The following DMGDH variants were observed in gnomAD, a reference collection of about 807,000 sequenced individuals.
The protein encoded by DMGDH is dimethylglycine dehydrogenase, mitochondrial.
In DMGDH, 76 loss-of-function variants were observed where a neutral mutation model predicts 95.2. That is an observed-to-expected ratio of 0.80 (90% confidence interval 0.66 to 0.97). The LOEUF is 0.97. Among genes scored for constraint, DMGDH ranks in the 50% least tolerant of loss-of-function variants. The pLI, the probability that DMGDH is intolerant of heterozygous loss-of-function variation, is 0.00. For missense variants in DMGDH, 987 were observed against 1,055.0 expected, an observed-to-expected ratio of 0.94 and a Z score of 0.89; for synonymous variants, 345 against 377.6, an observed-to-expected ratio of 0.91 and a Z score of 1.00.
In DMGDH at chr5:79,051,324, CT is replaced by C. The variant is rs1754850101; in HGVS notation, c.707del (p.Gln236ArgfsTer4). ...SDGTWDVETP[Q>X]GSMRANRIVN... ...CAATTCTATTTGCTCTCATAGACCC[CT>C]GTGGTGTTTCAACGTCCCATGTTCC... is the stretch of plus-strand genomic sequence containing the variant. On this transcript the variant is annotated frameshift_variant, in exon 5 of 16. Transcript: ENST00000255189. LOFTEE classifies it high-confidence loss of function. 6.2e-7 allele frequency: 1 copy of C among 1,614,104 alleles called. No individual in the cohort carries two copies. Among genetic ancestry groups the C allele is most frequent in the Non-Finnish European group, 8.5e-7 (1 of 1,180,042 alleles).
intron 5 of DMGDH, among the ~76,000 whole-genome samples, chr5:79,050,265 AAAAAAAAAATATATAT>A (rs1271599007): frequency 5.7e-3 from 300 of 52,580 alleles, no homozygotes; most frequent in Middle Eastern, 0.03. Flanking sequence ...AAAAAAAAAA[AAAAAAAAAATATATAT>A]ATATATATAT....
chr5:78,998,999 A>G (rs1327475250), intron 15 of DMGDH, among the ~76,000 whole-genome samples: 3 of 152,262 alleles, frequency 2.0e-5, no homozygotes, highest in Non-Finnish European at 4.4e-5. Context: ...TAAAAGGAAG[A>G]CAACAAAAGT....
intron 2 of DMGDH, among the ~76,000 whole-genome samples, chr5:79,062,508 G>C (rs1190447604): frequency 6.6e-6 from 1 of 151,514 alleles, no homozygotes; most frequent in East Asian, 1.9e-4. Flanking sequence ...GGCTAACGCT[G>C]CCCAAAAGAA....
chr5:79,029,721 TG>T (rs1754100194), intron 11 of DMGDH, among the ~76,000 whole-genome samples, 182 bp downstream of exon 11: 1 of 152,244 alleles, frequency 6.6e-6, no homozygotes, highest in African/African-American at 2.4e-5. Flanking sequence ...GAATTACCTT[TG>T]GGAGGGGCAG....
At chr5:79,020,290 C>A (rs1753832885) in intron 14 of DMGDH, among the ~76,000 whole-genome samples, 2 of 152,088 alleles carry the variant, frequency 1.3e-5, no homozygotes, top group Non-Finnish European at 2.9e-5. Flanking sequence ...AAGAATCATA[C>A]CCCAGATGAT....
Position 79,030,162 on chromosome 5 carries a change from C to A in DMGDH, c.1684-128G>T, listed in dbSNP as rs1283736407. On this transcript the variant is annotated intron_variant, in intron 10 of 15. Coordinates refer to ENST00000255189, the MANE Select transcript of DMGDH (RefSeq NM_013391.3). ...TCTGAATCTTACTGTTTGTGTCAATCGTATGAATTATCTGTAAACCTAAAC... is the reference window on the plus strand; with the variant it reads ...TCTGAATCTTACTGTTTGTGTCAATAGTATGAATTATCTGTAAACCTAAAC... The A allele has an allele frequency of 1.9e-5, 15 of 782,400 alleles. No individual in the cohort carries two copies. In the South Asian group the frequency reaches 2.4e-4, roughly 13 times the overall value. The allele number at this position is 782,400 out of a possible 1,614,324, so 48.5% of individuals were successfully genotyped here. A position where few individuals can be genotyped will look rare whatever the true frequency, so the allele number is the denominator to read the frequency against.
intron 14 of DMGDH, among the ~76,000 whole-genome samples, chr5:79,020,063 G>C (rs536181635): frequency 7.2e-5 from 11 of 152,262 alleles, no homozygotes; most frequent in African/African-American, 2.6e-4. Flanking sequence ...TACTTGAGTA[G>C]TTTTTAGTTC....
rs770783111 is a variant in DMGDH, at chr5:79,054,373, C to T, written c.376-25G>A. ...CCTGTGACAATAATTCCAGTGAGAG[C>T]ATATAAATAAGTCATTGTTTGGTAC... On this transcript the variant is annotated intron_variant, in intron 3 of 15. Transcript: ENST00000255189. 1.5e-5 allele frequency: 24 copies of T among 1,612,584 alleles called. No individual in the cohort carries two copies. The Admixed American group carries it at 3.8e-4, about 26-fold the overall frequency.
At chr5:79,057,926 A>G (rs1755079852) in intron 2 of DMGDH, among the ~76,000 whole-genome samples, 1 of 152,150 alleles carries the variant, frequency 6.6e-6, no homozygotes, top group African/African-American at 2.4e-5. Context: ...AAAATTATCT[A>G]TCTACACTAC....
intron 14 of DMGDH, 151 bp from the exon 15 acceptor site, chr5:79,005,558 T>C (rs1753533542): frequency 8.9e-7 from 1 of 1,122,568 alleles, no homozygotes; most frequent in Non-Finnish European, 1.3e-6. Context: ...GACAAATATT[T>C]CTTAGTCCTC....
chr5:79,021,398 T>A, intron 14 of DMGDH: 1 of 1,180,922 alleles, frequency 8.5e-7, no homozygotes, highest in Non-Finnish European at 1.1e-6. Flanking sequence ...CGGTACTTAA[T>A]AAATGTCTAC....
At chr5:79,042,572 A>C in intron 6 of DMGDH, 91 bp from the exon 7 acceptor site, 23 of 1,278,342 alleles carry the variant, frequency 1.8e-5, no homozygotes, top group Non-Finnish European at 2.5e-5. Flanking sequence ...CCTACATTTA[A>C]AGATGGCCTG....
intron 15 of DMGDH, among the ~76,000 whole-genome samples, chr5:79,002,335 G>C (rs42418): frequency 0.54 from 82,723 of 151,930 alleles, 23,653 homozygotes; most frequent in African/African-American, 0.71. Flanking sequence ...CTGAGCCACC[G>C]AATATAAAGA....
intron 13 of DMGDH, among the ~76,000 whole-genome samples, chr5:79,024,837 A>T (rs1178926458): frequency 1.3e-5 from 2 of 152,234 alleles, no homozygotes; most frequent in East Asian, 3.8e-4. Flanking sequence ...AAGTCACTGT[A>T]ATAGCTACCA....
At chr5:79,066,420 G>C (rs1216116565) in intron 1 of DMGDH, among the ~76,000 whole-genome samples, 1 of 151,576 alleles carries the variant, frequency 6.6e-6, no homozygotes, top group Non-Finnish European at 1.5e-5. Context: ...CAAGTAGCTG[G>C]GACTGCAGGC....
rs778517532 is a variant in DMGDH, at chr5:79,028,454, C to T, written c.2011G>A (p.Ala671Thr). The T allele has an allele frequency of 6.2e-7, 1 of 1,613,396 alleles. No homozygotes were observed. The highest frequency in any genetic ancestry group is 1.1e-5 in the South Asian group (1 of 91,056). ...TTACCAGTATAAGATATCCTAATAG[C>T]AGTGACAGGAATGTTGGAAACCTTT... The part of the protein sequence containing the change: ...SLKVSNIPVT[A>T]IRISYTGELG... Residue 671 changes from alanine (A) to threonine (T), a missense_variant, in exon 12 of 16, where the codon GCT becomes ACT. By Grantham distance (58) the Ala-to-Thr change is moderately conservative. Transcript: ENST00000255189.
chr5:79,005,048 T>C lies in DMGDH; in HGVS notation c.2385+225A>G, dbSNP rs564474147. On this transcript the variant is annotated intron_variant, in intron 15 of 15. Transcript: ENST00000255189. ...GTTTCAAGTCTTTGGGTTTGTTTTC[T>C]TTAAACAGAATATATAGAATTTTAT... 1.8e-3 allele frequency among the ~76,000 whole-genome samples: 269 copies of C among 152,358 alleles called. 1 individual carries two copies. Among genetic ancestry groups the C allele is most frequent in the African/African-American group, 6.1e-3 (255 of 41,586 alleles).
At chr5:79,049,111 G>A (rs1754762520) in intron 5 of DMGDH, among the ~76,000 whole-genome samples, 1 of 152,056 alleles carries the variant, frequency 6.6e-6, no homozygotes, top group Non-Finnish European at 1.5e-5. Context: ...TGTTCTCAAG[G>A]ACCTCCTTTC....
intron 2 of DMGDH, among the ~76,000 whole-genome samples, chr5:79,058,539 C>T (rs1299996469): frequency 6.6e-6 from 1 of 152,020 alleles, no homozygotes; most frequent in Non-Finnish European, 1.5e-5. Context: ...ATGATTGAGT[C>T]CTAGACACAT....
Sources: allele counts gnomAD v4.1 joint callset (sites outside exome capture counted in the v4.1 genomes callset), GRCh38; gene constraint gnomAD v4.1.1; transcripts MANE v1.5; gene names NCBI Gene and HGNC (gene_info 2026-07-23, HGNC 2026-07-21).